Variants in PPAT observed in about 807,000 individuals in gnomAD.
PPAT encodes phosphoribosyl pyrophosphate amidotransferase.
In PPAT, 20 loss-of-function variants were observed where a neutral mutation model predicts 60.2. The observed-to-expected ratio is 0.33, with a 90% CI of 0.23 to 0.48. PPAT has a LOEUF of 0.48. Ranked by LOEUF, PPAT falls within the 20% of genes least tolerant of loss-of-function variation. The pLI is 0.99. For synonymous variants in PPAT, 194 were observed against 215.1 expected, an observed-to-expected ratio of 0.90 and a Z score of 0.86; for missense variants, 349 against 629.6, an observed-to-expected ratio of 0.55 and a Z score of 4.77.
At chr4:56,402,835 AAAAAAAAAAAAAAGGG>A (rs1716147818) in intron 5 of PPAT, among the ~76,000 whole-genome samples, 189 bp downstream of exon 5, 1 of 122,762 alleles carries the variant, frequency 8.1e-6, no homozygotes. Flanking sequence ...AAAAAAAAAA[AAAAAAAAAAAAAAGGG>A]GGGGGACTCA....
intron 1 of PPAT, chr4:56,431,316 TA>T: frequency 3.0e-6 from 1 of 334,454 alleles, no homozygotes; most frequent in Non-Finnish European, 4.3e-6. Context: ...TCCACAAAAC[TA>T]AATGAAGATT....
chr4:56,430,395 T>C (rs545142059), intron 1 of PPAT, among the ~76,000 whole-genome samples: 2 of 152,178 alleles, frequency 1.3e-5, no homozygotes, highest in African/African-American at 2.4e-5. Flanking sequence ...AACTGAGGCA[T>C]AGAGAAGTCT....
At chr4:56,425,698 TA>T (rs1717248484) in intron 1 of PPAT, among the ~76,000 whole-genome samples, 2 of 152,174 alleles carry the variant, frequency 1.3e-5, no homozygotes, top group South Asian at 4.1e-4. Context: ...AGCTTCAGGA[TA>T]GGGGGTAGTC....
chr4:56,434,761 C>G (rs1717804193), intron 1 of PPAT, among the ~76,000 whole-genome samples: 1 of 152,176 alleles, frequency 6.6e-6, no homozygotes, highest in Non-Finnish European at 1.5e-5. Context: ...GATCTACTAC[C>G]AGTAGTCATT....
At position 56,396,362 on chromosome 4, in the gene PPAT, T is replaced by C. The variant is rs1715967577; in HGVS notation, c.1357+257A>G. ...ACTTTTGGGAGGCTTTAAGTGATTATGATTGCACTTCCCTCCACCTGGAAA... is the reference window on the plus strand; with the variant it reads ...ACTTTTGGGAGGCTTTAAGTGATTACGATTGCACTTCCCTCCACCTGGAAA... On this transcript the variant is annotated intron_variant, in intron 10 of 10. Coordinates refer to ENST00000264220, the MANE Select transcript of PPAT (RefSeq NM_002703.5). The surrounding 1 kb of genome is among the most constrained non-coding windows in gnomAD (Gnocchi z 4.6). 6 of 276,482 alleles carry C rather than the reference T, an allele frequency of 2.2e-5. No homozygotes were observed. Among genetic ancestry groups the C allele is most frequent in the Non-Finnish European group, 4.0e-5 (6 of 149,544 alleles). The allele number at this position is 276,482 out of a possible 1,614,324, so 17.1% of individuals were successfully genotyped here.
chr4:56,428,936 T>G, intron 1 of PPAT: 1 of 933,888 alleles, frequency 1.1e-6, no homozygotes, highest in Non-Finnish European at 1.3e-6. Flanking sequence ...TGTTTTTATT[T>G]AAGAATTATT....
chr4:56,429,459 T>C (rs1241096165), intron 1 of PPAT, among the ~76,000 whole-genome samples: 2 of 152,122 alleles, frequency 1.3e-5, no homozygotes, highest in African/African-American at 4.8e-5. Context: ...GAGCTGTAAT[T>C]CCAAAATGAC....
chr4:56,401,384 C>T lies in PPAT; in HGVS notation c.832G>A (p.Ala278Thr). Residue 278 changes from alanine (A) to threonine (T), a missense_variant, in exon 7 of 11, where the codon GCT (alanine) becomes ACT (threonine). By Grantham distance (58) the Ala-to-Thr change is moderately conservative. This residue lies in a region of PPAT where 167 missense variants were observed against 328.6 expected (regional missense o/e 0.51). Transcript: ENST00000264220. ...IISRSEGNPVAFCIFEYVYFA... is the reference protein window; with the variant it reads ...IISRSEGNPVTFCIFEYVYFA... ...TAAACATATTCAAAGATACAAAAAG[C>T]CACTGGGTTTCCTTCAGACCTTGAT... 3 of 1,608,466 alleles carry T rather than the reference C, an allele frequency of 1.9e-6. No individual in the cohort carries two copies. In the East Asian group the frequency reaches 6.7e-5, roughly 36 times the overall value.
At chr4:56,417,849 T>G (rs1468607153) in intron 1 of PPAT, among the ~76,000 whole-genome samples, 7 of 150,276 alleles carry the variant, frequency 4.7e-5, no homozygotes, top group East Asian at 3.9e-4. Flanking sequence ...TTTGTTTTTT[T>G]TTTTTTTTTT....
At chr4:56,413,259 C>T (rs185881210) in intron 1 of PPAT, among the ~76,000 whole-genome samples, 90 of 152,198 alleles carry the variant, frequency 5.9e-4, no homozygotes, top group African/African-American at 2.0e-3. Context: ...CAGGTTCAAG[C>T]GATTCTCCTG....
chr4:56,423,565 A>T (rs1168230480), intron 1 of PPAT: 1 of 152,156 alleles, frequency 6.6e-6, no homozygotes, highest in East Asian at 1.9e-4. Flanking sequence ...TATTCAGAAG[A>T]TTTTAGCTTG....
chr4:56,394,355 T>C lies in PPAT; in HGVS notation c.*997A>G, dbSNP rs930674548. The C allele has an allele frequency of 6.6e-6, 1 of 152,160 alleles. No homozygotes were observed. Among genetic ancestry groups the C allele is most frequent in the African/African-American group, 2.4e-5 (1 of 41,438 alleles). The allele number at this position is 152,160 out of a possible 1,614,324, so 9.4% of individuals were successfully genotyped here. A position where few individuals can be genotyped will look rare whatever the true frequency, so the allele number is the denominator to read the frequency against. On this transcript the variant is annotated 3_prime_UTR_variant, in exon 11 of 11. Coordinates refer to ENST00000264220, the MANE Select transcript of PPAT (RefSeq NM_002703.5). ...ACTTAATTGCAATAATATTTATGTG[T>C]ATGTGTACATGTATATGTACATCTA...
intron 1 of PPAT, among the ~76,000 whole-genome samples, chr4:56,418,532 T>C (rs1233214117): frequency 6.6e-6 from 1 of 151,920 alleles, no homozygotes; most frequent in Non-Finnish European, 1.5e-5. Flanking sequence ...GTTGGGAGGC[T>C]GGTCTCCAAC....
intron 1 of PPAT, chr4:56,422,746 G>A (rs1176771389): frequency 6.6e-6 from 1 of 152,006 alleles, no homozygotes; most frequent in African/African-American, 2.4e-5. Flanking sequence ...AAGAAATTAT[G>A]TTATAACATT....
intron 1 of PPAT, among the ~76,000 whole-genome samples, chr4:56,434,858 C>G (rs183655799): frequency 6.6e-6 from 1 of 152,258 alleles, no homozygotes; most frequent in Non-Finnish European, 1.5e-5. Context: ...AACCCATAAT[C>G]TGCTCAATAG....
At chr4:56,427,197 A>C (rs977091945) in intron 1 of PPAT, among the ~76,000 whole-genome samples, 7 of 152,252 alleles carry the variant, frequency 4.6e-5, no homozygotes, top group Non-Finnish European at 8.8e-5. Flanking sequence ...GTGGATGTAT[A>C]AATATCTGCT....
At chr4:56,419,730 T>C (rs931903672) in intron 1 of PPAT, 14 of 983,058 alleles carry the variant, frequency 1.4e-5, no homozygotes, top group Non-Finnish European at 1.6e-5. Flanking sequence ...AGACATCTGG[T>C]CTGATAAAAG....
chr4:56,405,391 A>G (rs1010213801), intron 3 of PPAT, among the ~76,000 whole-genome samples: 1 of 152,234 alleles, frequency 6.6e-6, no homozygotes, highest in East Asian at 1.9e-4. Flanking sequence ...TAGAATTGCC[A>G]AAATGATAGG....
At chr4:56,431,024 G>A (rs1717555591) in intron 1 of PPAT, among the ~76,000 whole-genome samples, 1 of 151,886 alleles carries the variant, frequency 6.6e-6, no homozygotes, top group African/African-American at 2.4e-5. Flanking sequence ...TGGAAGGATT[G>A]AAAACACTTA....
Sources: allele counts gnomAD v4.1 joint callset (sites outside exome capture counted in the v4.1 genomes callset), GRCh38; gene constraint gnomAD v4.1.1; regional missense constraint gnomAD v4.1.1; non-coding constraint Gnocchi (gnomAD v3.1); transcripts MANE v1.5; gene names NCBI Gene and HGNC (gene_info 2026-07-23, HGNC 2026-07-21).